Variants in IL1RAPL2 observed in about 807,000 individuals in gnomAD.
The protein encoded by IL1RAPL2 is X-linked interleukin-1 receptor accessory protein-like 2.
IL1RAPL2 carries 3 observed loss-of-function variants against 44.1 expected under a neutral mutation model. The ratio of observed to expected loss-of-function variants is 0.07; its 90% confidence interval spans 0.03 to 0.18. IL1RAPL2 has a LOEUF of 0.18. IL1RAPL2 is among the 10% of genes least tolerant of loss of function. The pLI is 1.00. For missense variants in IL1RAPL2, 391 were observed against 496.4 expected (o/e 0.79, Z 2.02); for synonymous variants, 181 against 178.8 (o/e 1.01, Z -0.10).
intron 2 of IL1RAPL2, among the ~76,000 whole-genome samples, chrX:104,720,197 A>T (rs1344969143): frequency 1.8e-5 from 2 of 111,484 alleles, no homozygotes; most frequent in Non-Finnish European, 3.8e-5. Flanking sequence ...TAAAATTACC[A>T]TAGGCATATC....
rs750385334 is a variant in IL1RAPL2 at position 104,653,886 on chromosome X, T to A, written c.-19-5009T>A. ...TTCAGTGATTGCTGTAGTTTCACCC[T>A]CATACCTCCCATTGCCATTTTTGTA... On this transcript the variant is annotated intron_variant, in intron 1 of 10. Transcript: ENST00000372582. Among the ~76,000 whole-genome samples the A allele has an allele frequency of 3.6e-5, 4 of 111,542 alleles. No individual in the cohort carries two copies. In the South Asian group the frequency reaches 1.5e-3, roughly 42 times the overall value.
intron 5 of IL1RAPL2, among the ~76,000 whole-genome samples, chrX:105,392,405 A>T (rs372211387): frequency 9.0e-6 from 1 of 111,308 alleles, no homozygotes; most frequent in Admixed American, 9.6e-5. Flanking sequence ...AAATCAATAA[A>T]TTATACACTC....
intron 2 of IL1RAPL2, among the ~76,000 whole-genome samples, chrX:104,792,577 A>G (rs1932831377): frequency 9.0e-6 from 1 of 111,644 alleles, no homozygotes; most frequent in African/African-American, 3.3e-5. Flanking sequence ...TTTCATAGCC[A>G]TTTTTAGTTG....
intron 2 of IL1RAPL2, among the ~76,000 whole-genome samples, chrX:104,673,529 T>C (rs1367543876): frequency 1.8e-5 from 2 of 111,055 alleles, no homozygotes; most frequent in Admixed American, 9.5e-5. Flanking sequence ...AGTCAGGTAG[T>C]GTGATGCCTC....
At chrX:105,746,346 C>G (rs772003740) in intron 8 of IL1RAPL2, among the ~76,000 whole-genome samples, 1 of 112,324 alleles carries the variant, frequency 8.9e-6, no homozygotes, top group South Asian at 3.7e-4. Flanking sequence ...AAGACACAGC[C>G]CAACTAAAAT....
intron 6 of IL1RAPL2, among the ~76,000 whole-genome samples, chrX:105,548,145 T>C (rs960162230): frequency 3.6e-5 from 4 of 111,789 alleles, no homozygotes; most frequent in African/African-American, 1.3e-4. Flanking sequence ...CCAAATAGCA[T>C]AGAAAAACAT....
intron 7 of IL1RAPL2, among the ~76,000 whole-genome samples, chrX:105,738,594 A>T (rs1322534713): frequency 9.0e-6 from 1 of 111,566 alleles, no homozygotes; most frequent in Non-Finnish European, 1.9e-5. Flanking sequence ...CCTACTCCAG[A>T]GCTAAACTGC....
chrX:105,618,526 A>C (rs1252878664), intron 6 of IL1RAPL2, among the ~76,000 whole-genome samples: 1 of 111,680 alleles, frequency 9.0e-6, no homozygotes, highest in Non-Finnish European at 1.9e-5. Context: ...GAGGTAGTGA[A>C]GCATAGCAGA....
chrX:105,445,747 A>G (rs1232958555), intron 5 of IL1RAPL2, among the ~76,000 whole-genome samples: 2 of 111,657 alleles, frequency 1.8e-5, no homozygotes, highest in East Asian at 5.6e-4. Context: ...TTGTAGTCAG[A>G]GAAGATGCTT....
chrX:105,082,031 A>T (rs767563700), intron 2 of IL1RAPL2, among the ~76,000 whole-genome samples: 1 of 111,336 alleles, frequency 9.0e-6, no homozygotes, highest in Non-Finnish European at 1.9e-5. Flanking sequence ...TATTTGTTGG[A>T]ATAGTTGCAG....
chrX:105,445,184 TACTC>T (rs1474411849), intron 5 of IL1RAPL2, among the ~76,000 whole-genome samples: 2 of 111,925 alleles, frequency 1.8e-5, no homozygotes, highest in East Asian at 5.6e-4. Flanking sequence ...TGGCATAACT[TACTC>T]ATAGTAGCCA....
intron 2 of IL1RAPL2, among the ~76,000 whole-genome samples, chrX:104,894,313 G>T (rs921850939): frequency 1.8e-5 from 2 of 111,239 alleles, no homozygotes; most frequent in Non-Finnish European, 3.8e-5. Flanking sequence ...TGTATTTCCT[G>T]AATTTGAATG....
intron 2 of IL1RAPL2, among the ~76,000 whole-genome samples, chrX:105,006,925 T>C: frequency 9.0e-6 from 1 of 111,470 alleles, no homozygotes; most frequent in Non-Finnish European, 1.9e-5. Flanking sequence ...CCAGTGGTTT[T>C]AACTCTTCCT....
At chrX:104,639,081 G>C (rs1320282441) in intron 1 of IL1RAPL2, among the ~76,000 whole-genome samples, 1 of 111,796 alleles carries the variant, frequency 8.9e-6, no homozygotes, top group Non-Finnish European at 1.9e-5. Context: ...TTTCTTGCTA[G>C]ATTGATACCT....
At chrX:104,990,558 C>T (rs900541067) in intron 2 of IL1RAPL2, among the ~76,000 whole-genome samples, 1 of 111,360 alleles carries the variant, frequency 9.0e-6, no homozygotes. Flanking sequence ...CTAATCTCCA[C>T]AGCAAATCAT....
chrX:104,611,914 A>G (rs765571593), intron 1 of IL1RAPL2, among the ~76,000 whole-genome samples: 3 of 108,344 alleles, frequency 2.8e-5, no homozygotes, highest in Non-Finnish European at 3.8e-5. Flanking sequence ...CATGGGACCC[A>G]TTGAGCCAGG....
chrX:104,606,983 A>G (rs1428068877), intron 1 of IL1RAPL2, among the ~76,000 whole-genome samples: 2 of 111,937 alleles, frequency 1.8e-5, no homozygotes, highest in Admixed American at 1.9e-4. Flanking sequence ...ACCTGACTTC[A>G]AACTATACTA....
At chrX:105,590,006 G>A (rs1261118032) in intron 6 of IL1RAPL2, among the ~76,000 whole-genome samples, 7 of 111,937 alleles carry the variant, frequency 6.3e-5, no homozygotes, top group African/African-American at 2.3e-4. Context: ...TCCTATCCAT[G>A]AGCGTGGGAT....
chrX:105,595,938 A>G (rs969065669), intron 6 of IL1RAPL2, among the ~76,000 whole-genome samples: 8 of 111,395 alleles, frequency 7.2e-5, no homozygotes, highest in South Asian at 3.7e-4. Context: ...TAGCTCACTC[A>G]ATTTGTTTAT....
Sources: allele counts gnomAD v4.1 joint callset (sites outside exome capture counted in the v4.1 genomes callset), GRCh38; gene constraint gnomAD v4.1.1; transcripts MANE v1.5; gene names NCBI Gene and HGNC (gene_info 2026-07-23, HGNC 2026-07-21).